The following MMS22L variants were observed in gnomAD, a reference collection of about 807,000 sequenced individuals.
MMS22L encodes protein MMS22-like.
A neutral mutation model predicts 159.1 loss-of-function variants in MMS22L; 74 were observed. The ratio of observed to expected loss-of-function variants is 0.47; its 90% CI spans 0.39 to 0.56. The LOEUF is 0.56. Ranked by LOEUF, MMS22L falls within the 20% of genes least tolerant of loss-of-function variation. MMS22L has a pLI of 0.00. For missense variants in MMS22L, 1,351 were observed against 1,422.1 expected (o/e 0.95, Z 0.80); for synonymous variants, 517 against 506.9 (o/e 1.02, Z -0.27).
At chr6:97,257,005 CTCTT>C (rs1562513502) in intron 9 of MMS22L, among the ~76,000 whole-genome samples, 1 of 152,086 alleles carries the variant, frequency 6.6e-6, no homozygotes, top group Non-Finnish European at 1.5e-5. Context: ...TAAATTTCTT[CTCTT>C]TGTCTTTGGT....
intron 22 of MMS22L, 82 bp from the exon 23 acceptor site, chr6:97,151,949 G>T: frequency 1.0e-6 from 1 of 989,674 alleles, no homozygotes; most frequent in Non-Finnish European, 1.5e-6. Flanking sequence ...TCTTGATTTA[G>T]AAAAATATGT....
intron 24 of MMS22L, among the ~76,000 whole-genome samples, chr6:97,149,530 G>A (rs952936483): frequency 2.0e-5 from 3 of 152,100 alleles, no homozygotes; most frequent in Non-Finnish European, 4.4e-5. Context: ...AGACATCCAA[G>A]GCTATGAAGT....
At chr6:97,201,645 G>A (rs1807179736) in intron 14 of MMS22L, among the ~76,000 whole-genome samples, 1 of 152,134 alleles carries the variant, frequency 6.6e-6, no homozygotes, top group African/African-American at 2.4e-5. Flanking sequence ...AATTTATATG[G>A]TGACCCGCGT....
intron 22 of MMS22L, among the ~76,000 whole-genome samples, chr6:97,153,455 T>G (rs1180685830): frequency 1.4e-5 from 2 of 140,086 alleles, no homozygotes; most frequent in Non-Finnish European, 3.0e-5. Context: ...CATTGCAACC[T>G]CTGCCTCCCG....
intron 18 of MMS22L, among the ~76,000 whole-genome samples, chr6:97,175,862 A>G (rs1804060307): frequency 1.3e-5 from 2 of 152,166 alleles, no homozygotes; most frequent in African/African-American, 4.8e-5. Context: ...TCATTTTTTG[A>G]GAAAATGTCT....
chr6:97,257,726 C>A (rs1813979844), intron 9 of MMS22L, among the ~76,000 whole-genome samples: 1 of 152,104 alleles, frequency 6.6e-6, no homozygotes, highest in Non-Finnish European at 1.5e-5. Flanking sequence ...CACACCTGGT[C>A]TATTTTTGTT....
intron 18 of MMS22L, among the ~76,000 whole-genome samples, chr6:97,176,289 G>A (rs1582471338): frequency 6.6e-6 from 1 of 152,048 alleles, no homozygotes; most frequent in East Asian, 1.9e-4. Context: ...GGGGTCTATG[G>A]ACTACACTTT....
At chr6:97,264,336 T>C (rs1258588906) in intron 8 of MMS22L, 1 of 152,052 alleles carries the variant, frequency 6.6e-6, no homozygotes, top group Non-Finnish European at 1.5e-5. Flanking sequence ...TAGGGATTTA[T>C]AAAGATTCAG....
At chr6:97,182,212 C>T (rs1804790827) in intron 15 of MMS22L, among the ~76,000 whole-genome samples, 158 bp from the exon 16 acceptor site, 1 of 150,054 alleles carries the variant, frequency 6.7e-6, no homozygotes, top group African/African-American at 2.5e-5. Flanking sequence ...AAAGCTAAAA[C>T]TGAACAAATT....
At chr6:97,159,355 CCTTAA>C (rs1174351005) in intron 22 of MMS22L, among the ~76,000 whole-genome samples, 4 of 151,800 alleles carry the variant, frequency 2.6e-5, no homozygotes, top group Non-Finnish European at 4.4e-5. Flanking sequence ...ACCATATATA[CCTTAA>C]CTTATCAGAG....
chr6:97,280,478 G>A (rs934034783), intron 3 of MMS22L, among the ~76,000 whole-genome samples: 2 of 151,942 alleles, frequency 1.3e-5, no homozygotes, highest in Admixed American at 1.3e-4. Context: ...GATTACAGAC[G>A]CATGCCATCA....
In MMS22L at chr6:97,231,453, G is replaced by T. The variant is rs752244668; in HGVS notation, c.1502C>A (p.Pro501His). The T allele has an allele frequency of 1.9e-6, 3 of 1,613,498 alleles. No individual in the cohort carries two copies. The highest frequency in any genetic ancestry group is 3.3e-4 in the Middle Eastern group (2 of 6,058). ...VVKKAMKSNGPHPWKQVKGRI... is the reference protein window; with the variant it reads ...VVKKAMKSNGHHPWKQVKGRI... Reference sequence around the variant, plus strand: ...TCCTTTGACTTGTTTCCAAGGATGAGGGCCATTGCTCTTCATTGCTTTTTT... The same window carrying T: ...TCCTTTGACTTGTTTCCAAGGATGATGGCCATTGCTCTTCATTGCTTTTTT... Residue 501 changes from proline (P) to histidine (H), a missense_variant, in exon 13 of 25, where the codon CCT becomes CAT. Coordinates refer to ENST00000683635, the MANE Select transcript of MMS22L (RefSeq NM_001350599.2).
At chr6:97,268,875 C>A (rs545134213) in intron 7 of MMS22L, among the ~76,000 whole-genome samples, 1 of 151,450 alleles carries the variant, frequency 6.6e-6, no homozygotes, top group Admixed American at 6.6e-5. Context: ...AAGTATATAC[C>A]TATATAGACA....
chr6:97,256,956 TAAATA>T (rs1057194759), intron 9 of MMS22L, among the ~76,000 whole-genome samples: 4 of 152,246 alleles, frequency 2.6e-5, no homozygotes, highest in Admixed American at 1.3e-4. Context: ...CTTAAAAAAA[TAAATA>T]AAATAAAGTA....
intron 22 of MMS22L, among the ~76,000 whole-genome samples, chr6:97,153,965 AATATAT>A (rs201313587): frequency 6.6e-6 from 1 of 151,392 alleles, no homozygotes; most frequent in African/African-American, 2.4e-5. Flanking sequence ...ATTTCTCTTA[AATATAT>A]ATATATATCT....
chr6:97,206,294 A>C (rs1204441522), intron 14 of MMS22L, among the ~76,000 whole-genome samples: 1 of 151,810 alleles, frequency 6.6e-6, no homozygotes, highest in Non-Finnish European at 1.5e-5. Flanking sequence ...TCTTTCAAGA[A>C]GCACAATTTA....
chr6:97,241,992 T>A (rs1026646682), intron 11 of MMS22L, among the ~76,000 whole-genome samples: 2 of 152,198 alleles, frequency 1.3e-5, no homozygotes, highest in African/African-American at 4.8e-5. Context: ...TTCAATTTTT[T>A]AAAAATTATT....
intron 24 of MMS22L, 53 bp downstream of exon 24, chr6:97,149,800 T>C: frequency 1.4e-6 from 2 of 1,451,000 alleles, no homozygotes; most frequent in Non-Finnish European, 1.8e-6. Flanking sequence ...TAAAATGAAA[T>C]ATAAATTTTA....
intron 14 of MMS22L, among the ~76,000 whole-genome samples, chr6:97,201,302 G>C (rs1807132587): frequency 6.6e-6 from 1 of 152,130 alleles, no homozygotes; most frequent in Non-Finnish European, 1.5e-5. Context: ...CTGAGTTAAA[G>C]AGCTTGTTCC....
Sources: gnomAD v4.1 joint callset for allele counts (sites outside exome capture counted in the v4.1 genomes callset) on GRCh38, gnomAD v4.1.1 for gene constraint, MANE v1.5 for transcripts, NCBI Gene and HGNC (gene_info 2026-07-23, HGNC 2026-07-21) for gene names.